SEMA3D: variants seen among roughly 807,000 people sequenced by gnomAD.
The protein encoded by SEMA3D is semaphorin-3D.
SEMA3D carries 84 observed loss-of-function variants against 100.1 expected under a neutral mutation model. The ratio of observed to expected loss-of-function variants is 0.84; its 90% CI spans 0.70 to 1.01. The LOEUF is 1.01. Among genes scored for constraint, SEMA3D ranks in the 50% least tolerant of loss-of-function variants. The pLI is 0.00. For synonymous variants in SEMA3D, 312 were observed against 320.7 expected, an observed-to-expected ratio of 0.97 and a Z score of 0.29; for missense variants, 875 against 934.1, an observed-to-expected ratio of 0.94 and a Z score of 0.82.
chr7:85,047,768 T>A (rs1791050006), intron 9 of SEMA3D, among the ~76,000 whole-genome samples: 1 of 151,878 alleles, frequency 6.6e-6, no homozygotes, highest in African/African-American at 2.4e-5. Context: ...AACTGGATAA[T>A]GACAAAGTTT....
chr7:84,998,280 G>A lies in SEMA3D; in HGVS notation c.*1160C>T, dbSNP rs1789558567. On this transcript the variant is annotated 3_prime_UTR_variant, in exon 19 of 19. Coordinates refer to ENST00000284136, the MANE Select transcript of SEMA3D (RefSeq NM_001384900.1). ...ATCCAATATACAGGAGAGAATAAAGGCAGTAAAAAGAAATAATATACAGAG... is the reference window on the plus strand; with the variant it reads ...ATCCAATATACAGGAGAGAATAAAGACAGTAAAAAGAAATAATATACAGAG... 6.6e-6 allele frequency: 1 copy of A among 151,886 alleles called. No individual in the cohort carries two copies. Among genetic ancestry groups the A allele is most frequent in the Admixed American group, 6.6e-5 (1 of 15,236 alleles). 9.4% of individuals were successfully genotyped at this position (151,886 alleles called of 1,614,324 possible). A position where few individuals can be genotyped will look rare whatever the true frequency, so the allele number is the denominator to read the frequency against.
the SEMA3D span, among the ~76,000 whole-genome samples, chr7:85,199,994 T>C: frequency 1.3e-5 from 2 of 152,180 alleles, no homozygotes; most frequent in African/African-American, 2.4e-5. Context: ...GCCATCCACG[T>C]AAGATGTGAT....
chr7:85,073,469 C>T (rs1416301470), intron 5 of SEMA3D, among the ~76,000 whole-genome samples: 1 of 151,794 alleles, frequency 6.6e-6, no homozygotes, highest in Non-Finnish European at 1.5e-5. Flanking sequence ...AGACTGGCCT[C>T]AAACTCCTGG....
At chr7:85,239,383 C>T in the SEMA3D span, among the ~76,000 whole-genome samples, 13 of 152,308 alleles carry the variant, frequency 8.5e-5, no homozygotes, top group South Asian at 2.5e-3. Flanking sequence ...AACAGTGGGG[C>T]ATCGTCTCGA....
Position 85,065,427 on chromosome 7 carries a change from T to C in SEMA3D, c.715A>G (p.Asn239Asp). ...RTDISEHYWL[N>D]GAKFIGTFFI... ...TAAACAAAAAAAAATCACAAACCATTGAGCCAGTAGTGCTCTGAAATGTCA... is the reference window on the plus strand; with the variant it reads ...TAAACAAAAAAAAATCACAAACCATCGAGCCAGTAGTGCTCTGAAATGTCA... Residue 239 changes from asparagine to aspartate, a missense_variant, in exon 8 of 19, where the codon AAT becomes GAT. Coordinates refer to ENST00000284136, the MANE Select transcript of SEMA3D (RefSeq NM_001384900.1). 1 of 1,612,602 alleles carries C rather than the reference T, an allele frequency of 6.2e-7. No individual in the cohort carries two copies. Among genetic ancestry groups the C allele is most frequent in the Non-Finnish European group, 8.5e-7 (1 of 1,179,152 alleles).
intron 2 of SEMA3D, among the ~76,000 whole-genome samples, chr7:85,153,154 T>C (rs1450678306): frequency 6.6e-6 from 1 of 152,136 alleles, no homozygotes; most frequent in Non-Finnish European, 1.5e-5. Flanking sequence ...GCCTTTGGTA[T>C]AAGCAGGTTT....
At chr7:85,132,007 G>A (rs946256261) in intron 2 of SEMA3D, among the ~76,000 whole-genome samples, 2 of 151,748 alleles carry the variant, frequency 1.3e-5, no homozygotes, top group Non-Finnish European at 2.9e-5. Flanking sequence ...TTGAACATAT[G>A]TCTGAAATTA....
At chr7:85,244,579 A>G in the SEMA3D span, among the ~76,000 whole-genome samples, 1 of 152,330 alleles carries the variant, frequency 6.6e-6, no homozygotes, top group Non-Finnish European at 1.5e-5. Context: ...GCGATAGTCC[A>G]GGAGGTATGT....
rs533938874 is a variant in SEMA3D, at chr7:85,068,765, T to C, written c.496-481A>G. ...TTAAACCCTGTAATAGTTTTTAAAA[T>C]TATAGTAACATAAAAGTGTTCTAAG... On this transcript the variant is annotated intron_variant, in intron 6 of 18. Transcript: ENST00000284136. 1.8e-4 allele frequency among the ~76,000 whole-genome samples: 28 copies of C among 152,256 alleles called. 1 individual carries two copies. In the South Asian group the frequency reaches 5.8e-3, roughly 32 times the overall value.
rs776916071 is a variant in SEMA3D, at chr7:85,037,052, A to G, written c.1047-19T>C. 3.1e-6 allele frequency: 5 copies of G among 1,606,582 alleles called. No individual in the cohort carries two copies. In the African/African-American group the frequency reaches 4.0e-5, roughly 13 times the overall value. Reference sequence around the variant, plus strand: ...GATGGAGCTGGAAAAAAAAAGCATCATCATTCAATCATTCACTGATGAATT... The same window carrying G: ...GATGGAGCTGGAAAAAAAAAGCATCGTCATTCAATCATTCACTGATGAATT... On this transcript the variant is annotated intron_variant, in intron 11 of 18. Coordinates refer to ENST00000284136, the MANE Select transcript of SEMA3D (RefSeq NM_001384900.1).
chr7:85,140,928 T>A, intron 2 of SEMA3D: 1 of 607,394 alleles, frequency 1.6e-6, no homozygotes, highest in Non-Finnish European at 2.1e-6. Flanking sequence ...TGATCACTGT[T>A]AAAATCTTCT....
At chr7:85,087,013 C>G (rs1003714623) in intron 4 of SEMA3D, among the ~76,000 whole-genome samples, 1 of 152,180 alleles carries the variant, frequency 6.6e-6, no homozygotes, top group African/African-American at 2.4e-5. Flanking sequence ...AATATTCTTA[C>G]TGCCTTTTGA....
chr7:85,216,880 A>AC, the SEMA3D span, among the ~76,000 whole-genome samples: 1 of 151,414 alleles, frequency 6.6e-6, no homozygotes, highest in Non-Finnish European at 1.5e-5. Context: ...AAGATCTCCC[A>AC]CCCCCAAATT....
intron 1 of SEMA3D, among the ~76,000 whole-genome samples, chr7:85,165,344 G>A (rs563107664): frequency 6.6e-6 from 1 of 151,988 alleles, no homozygotes; most frequent in Non-Finnish European, 1.5e-5. Flanking sequence ...TTTCACAGTA[G>A]AGAAATCATT....
intron 16 of SEMA3D, among the ~76,000 whole-genome samples, chr7:85,014,464 C>T (rs1217785109): frequency 6.6e-6 from 1 of 151,680 alleles, no homozygotes; most frequent in African/African-American, 2.4e-5. Flanking sequence ...GAACAAATTC[C>T]TAGCTTGGAA....
At chr7:85,103,547 G>A (rs1788814424) in intron 3 of SEMA3D, among the ~76,000 whole-genome samples, 2 of 151,850 alleles carry the variant, frequency 1.3e-5, no homozygotes, top group Non-Finnish European at 2.9e-5. Context: ...CCCTTCCTCG[G>A]GATGTCAGCA....
intron 9 of SEMA3D, among the ~76,000 whole-genome samples, chr7:85,043,041 C>T (rs1790906363): frequency 6.6e-6 from 1 of 152,228 alleles, no homozygotes; most frequent in Middle Eastern, 3.4e-3. Flanking sequence ...ACTAATTAAA[C>T]ATCCATGCAA....
chr7:85,082,152 C>T (rs913156606), intron 4 of SEMA3D, among the ~76,000 whole-genome samples: 4 of 152,152 alleles, frequency 2.6e-5, no homozygotes, highest in African/African-American at 7.2e-5. Context: ...ACTTATTCTT[C>T]CCATTTTGAG....
chr7:85,107,710 T>C (rs1425859934), intron 3 of SEMA3D, among the ~76,000 whole-genome samples: 2 of 152,042 alleles, frequency 1.3e-5, no homozygotes, highest in Non-Finnish European at 2.9e-5. Context: ...TTTTCTTCCT[T>C]ACTCTTCTTT....
Sources: allele counts gnomAD v4.1 joint callset (sites outside exome capture counted in the v4.1 genomes callset), GRCh38; gene constraint gnomAD v4.1.1; transcripts MANE v1.5; gene names NCBI Gene and HGNC (gene_info 2026-07-23, HGNC 2026-07-21).